Variants in PTK2 observed in about 807,000 individuals in gnomAD.
PTK2 encodes the protein protein tyrosine kinase 2, also known as focal adhesion kinase 1.
PTK2 carries 45 observed loss-of-function variants against 150.1 expected under a neutral mutation model. The ratio of observed to expected loss-of-function variants is 0.30; its 90% CI spans 0.24 to 0.38. The LOEUF is 0.38. Among genes scored for constraint, PTK2 ranks in the 10% least tolerant of loss-of-function variants. PTK2 has a pLI of 1.00. For synonymous variants in PTK2, 432 were observed against 449.2 expected, an observed-to-expected ratio of 0.96 and a Z score of 0.48; for missense variants, 919 against 1,307.3, an observed-to-expected ratio of 0.70 and a Z score of 4.58.
At chr8:140,814,976 G>A (rs570019017) in intron 10 of PTK2, among the ~76,000 whole-genome samples, 129 of 152,080 alleles carry the variant, frequency 8.5e-4, no homozygotes, top group Admixed American at 2.6e-3. Flanking sequence ...GGGTTTCACC[G>A]TGTTAGCCAG....
chr8:140,727,730 T>C (rs901232371), intron 22 of PTK2, among the ~76,000 whole-genome samples: 3 of 152,174 alleles, frequency 2.0e-5, no homozygotes, highest in Admixed American at 6.5e-5. Context: ...TTAAAATTCA[T>C]ATCTCTATAA....
At chr8:140,739,431 T>C (rs1039146867) in intron 20 of PTK2, among the ~76,000 whole-genome samples, 3 of 152,084 alleles carry the variant, frequency 2.0e-5, no homozygotes, top group African/African-American at 7.2e-5. Flanking sequence ...GATTTCACAA[T>C]TTACAGAAGA....
intron 17 of PTK2, among the ~76,000 whole-genome samples, chr8:140,751,663 T>C (rs2100062768): frequency 6.6e-6 from 1 of 152,110 alleles, no homozygotes. Flanking sequence ...GGCTAATTTT[T>C]TGTATTTTTA....
chr8:140,846,222 G>C, intron 7 of PTK2, 38 bp downstream of exon 7: 1 of 1,470,022 alleles, frequency 6.8e-7, no homozygotes, highest in Non-Finnish European at 9.3e-7. Flanking sequence ...ATTTAGTTCT[G>C]CATATTTGCA....
exon 30 of PTK2, chr8:140,668,381 T>A: frequency 6.2e-7 from 1 of 1,613,652 alleles, no homozygotes. Context: ...ATTCGACCGG[T>A]CCAGGTTGGC....
intron 14 of PTK2, among the ~76,000 whole-genome samples, chr8:140,781,976 C>T (rs1427261354): frequency 1.3e-5 from 2 of 152,086 alleles, no homozygotes; most frequent in African/African-American, 4.8e-5. Context: ...TTTGATTGTT[C>T]ACTTCCTTAT....
chr8:140,717,158 G>A (rs2100040147), intron 23 of PTK2, among the ~76,000 whole-genome samples: 1 of 152,212 alleles, frequency 6.6e-6, no homozygotes, highest in African/African-American at 2.4e-5. Context: ...GGCAAAAAAT[G>A]TGCAGAGTTC....
At chr8:140,779,061 G>C (rs1012138895) in intron 14 of PTK2, among the ~76,000 whole-genome samples, 19 of 151,932 alleles carry the variant, frequency 1.3e-4, no homozygotes, top group African/African-American at 4.1e-4. Context: ...AGGAGTTTGA[G>C]ACCAGCCTGG....
intron 1 of PTK2, among the ~76,000 whole-genome samples, chr8:140,984,924 T>C (rs965958166): frequency 6.6e-6 from 1 of 152,114 alleles, no homozygotes; most frequent in African/African-American, 2.4e-5. Flanking sequence ...CACGGTTAAA[T>C]TGGCAGAAAG....
At chr8:140,886,758 G>A (rs942590037) in intron 3 of PTK2, among the ~76,000 whole-genome samples, 2 of 152,136 alleles carry the variant, frequency 1.3e-5, no homozygotes, top group African/African-American at 2.4e-5. Flanking sequence ...TAAAGTACAT[G>A]TTATTTTCCC....
At chr8:140,677,822 G>C (rs568899366) in intron 27 of PTK2, among the ~76,000 whole-genome samples, 1 of 152,258 alleles carries the variant, frequency 6.6e-6, no homozygotes, top group South Asian at 2.1e-4. Context: ...TCATTCATTT[G>C]TTCAATGAAC....
At chr8:140,880,864 T>C (rs1169278045) in intron 3 of PTK2, among the ~76,000 whole-genome samples, 1 of 152,158 alleles carries the variant, frequency 6.6e-6, no homozygotes, top group African/African-American at 2.4e-5. Context: ...TACTGGTACC[T>C]GGCATGTGGC....
intron 8 of PTK2, 69 bp downstream of exon 8, chr8:140,830,403 A>G: frequency 9.7e-7 from 1 of 1,034,890 alleles, no homozygotes; most frequent in Non-Finnish European, 1.4e-6. Flanking sequence ...CCCAAAAGCA[A>G]TTTACCACTG....
chr8:140,814,858 T>C (rs570930433), intron 10 of PTK2, among the ~76,000 whole-genome samples: 1 of 151,328 alleles, frequency 6.6e-6, no homozygotes, highest in African/African-American at 2.4e-5. Flanking sequence ...CACTGCAAGC[T>C]CCGCCTCCCG....
At chr8:140,778,028 C>T (rs2100079433) in intron 14 of PTK2, among the ~76,000 whole-genome samples, 1 of 152,188 alleles carries the variant, frequency 6.6e-6, no homozygotes, top group African/African-American at 2.4e-5. Context: ...CACACGGCAG[C>T]CTTGGGAATG....
At chr8:140,807,489 G>A (rs1257039009) in intron 10 of PTK2, among the ~76,000 whole-genome samples, 1 of 152,176 alleles carries the variant, frequency 6.6e-6, no homozygotes, top group African/African-American at 2.4e-5. Context: ...CATGTAAGTG[G>A]TCATTACAAG....
intron 14 of PTK2, among the ~76,000 whole-genome samples, 190 bp downstream of exon 14, chr8:140,789,280 TAAAA>T (rs201077713): frequency 1.6e-5 from 2 of 123,738 alleles, no homozygotes; most frequent in African/African-American, 2.9e-5. Context: ...TGTCCCATCT[TAAAA>T]AAAAAAAAAA....
At chr8:140,888,680 C>T (rs1365515606) in intron 3 of PTK2, among the ~76,000 whole-genome samples, 1 of 152,126 alleles carries the variant, frequency 6.6e-6, no homozygotes, top group Non-Finnish European at 1.5e-5. Flanking sequence ...GTAGTAATCC[C>T]CTTACATGCA....
At chr8:140,921,083 C>A in intron 2 of PTK2, 2 of 1,312,670 alleles carry the variant, frequency 1.5e-6, no homozygotes, top group South Asian at 2.3e-5. Flanking sequence ...TATTTTCCAG[C>A]AGCTTGAAGA....
Sources: gnomAD v4.1 joint callset for allele counts (sites outside exome capture counted in the v4.1 genomes callset) on GRCh38, gnomAD v4.1.1 for gene constraint, MANE v1.5 for transcripts, NCBI Gene and HGNC (gene_info 2026-07-23, HGNC 2026-07-21) for gene names.